The following PMEPA1 variants were observed in gnomAD, a reference collection of about 807,000 sequenced individuals.
PMEPA1 encodes protein TMEPAI.
A neutral mutation model predicts 23.0 loss-of-function variants in PMEPA1; 11 were observed. The ratio of observed to expected loss-of-function variants is 0.48; its 90% confidence interval spans 0.30 to 0.79. The LOEUF (loss-of-function observed/expected upper bound fraction) is 0.79, where lower values mean the gene tolerates loss of function less well. Among genes scored for constraint, PMEPA1 ranks in the 30% least tolerant of loss-of-function variants. The probability of loss-of-function intolerance (pLI) is 0.06; values close to 1 mark genes in which losing one functional copy is unlikely to be tolerated. For missense variants in PMEPA1, 377 were observed against 390.9 expected (o/e 0.96, Z 0.30); for synonymous variants, 204 against 166.4 (o/e 1.23, Z -1.74).
intron 1 of PMEPA1, among the ~76,000 whole-genome samples, chr20:57,661,312 C>T (rs1568965234): frequency 6.6e-6 from 1 of 152,194 alleles, no homozygotes. Flanking sequence ...GCCAGCAGAG[C>T]CCCCAGCAAT....
At chr20:57,680,500 T>C (rs962694858) in intron 1 of PMEPA1, among the ~76,000 whole-genome samples, 7 of 152,212 alleles carry the variant, frequency 4.6e-5, no homozygotes, top group Non-Finnish European at 8.8e-5. Context: ...AAAGAATTAT[T>C]GAGCCCAAAC....
Position 57,652,284 on chromosome 20 carries a change from G to C in PMEPA1, c.633C>G (p.Asn211Lys), listed in dbSNP as rs575029358. 1.2e-6 allele frequency: 2 copies of C among 1,609,702 alleles called. No individual in the cohort carries two copies. Among genetic ancestry groups the C allele is most frequent in the South Asian group, 2.2e-5 (2 of 91,072 alleles). The change falls in exon 4 of 4, where the codon AAC (asparagine) becomes AAG (lysine). Residue 211 changes from asparagine to lysine, a missense_variant. Physicochemically the swap from Asn to Lys is moderately conservative, Grantham distance 94. Around this residue, in one of 3 missense-constraint regions of PMEPA1, gnomAD observed 176 missense variants for 173.0 expected, o/e 1.02. Transcript: ENST00000341744. This position sits in a 1 kb window ranked among gnomAD's most constrained non-coding sequence, Gnocchi z 6.1. ...CGTAGCACGTGGCGCTGATGCCCGA[G>C]TTACTGCTGGGGGGGCAGGGGCCGC... Reference protein sequence around the residue: ...RLGGPCPPSSNSGISATCYGS... With the variant: ...RLGGPCPPSSKSGISATCYGS...
intron 1 of PMEPA1, among the ~76,000 whole-genome samples, chr20:57,671,029 C>G (rs7263636): frequency 2.0e-5 from 3 of 152,086 alleles, no homozygotes; most frequent in Non-Finnish European, 4.4e-5. Context: ...GGAAAGTAAA[C>G]GGTCTCTAGA....
intron 1 of PMEPA1, chr20:57,691,708 C>T (rs921145603): frequency 1.3e-5 from 2 of 152,252 alleles, no homozygotes; most frequent in African/African-American, 4.8e-5. Context: ...TCACTCTCAC[C>T]CCTCTCAGAG....
intron 1 of PMEPA1, among the ~76,000 whole-genome samples, chr20:57,706,816 T>C (rs573704147): frequency 6.6e-6 from 1 of 152,278 alleles, no homozygotes; most frequent in East Asian, 1.9e-4. Context: ...GTCAGGGATG[T>C]GAACCCCGAG....
At chr20:57,660,083 C>T (rs1010352785) in intron 1 of PMEPA1, among the ~76,000 whole-genome samples, 2 of 152,150 alleles carry the variant, frequency 1.3e-5, no homozygotes, top group Admixed American at 1.3e-4. Context: ...AGAAAGGGAG[C>T]CCTGCGCACT....
chr20:57,676,680 C>A (rs553799750), intron 1 of PMEPA1, among the ~76,000 whole-genome samples: 1 of 152,210 alleles, frequency 6.6e-6, no homozygotes, highest in African/African-American at 2.4e-5. Flanking sequence ...AGCTCTCCTG[C>A]CCTCGAGGGG....
At chr20:57,654,497 C>T (rs974520912) in intron 2 of PMEPA1, among the ~76,000 whole-genome samples, 4 of 152,072 alleles carry the variant, frequency 2.6e-5, no homozygotes, top group African/African-American at 7.2e-5. Context: ...CCGTCAGGAC[C>T]GCTCCTACCC....
chr20:57,655,579 G>A lies in PMEPA1; in HGVS notation c.265-2493C>T, dbSNP rs2071315446. Among the ~76,000 whole-genome samples, 1 of 152,210 alleles carries A rather than the reference G, an allele frequency of 6.6e-6. No individual in the cohort carries two copies. The highest frequency in any genetic ancestry group is 1.5e-5 in the Non-Finnish European group (1 of 68,038). On this transcript the variant is annotated intron_variant, in intron 2 of 3. Coordinates refer to ENST00000341744, the MANE Select transcript of PMEPA1 (RefSeq NM_020182.5). The surrounding 1 kb of genome is among the most constrained non-coding windows in gnomAD (Gnocchi z 4.2). Reference sequence around the variant, plus strand: ...GTCGGGGGAGGTGGGCCCAGCTTCAGAATTGTCTGGAACCTTCCCCAGCCT... The same window carrying A: ...GTCGGGGGAGGTGGGCCCAGCTTCAAAATTGTCTGGAACCTTCCCCAGCCT...
At chr20:57,691,229 T>C (rs1370411677) in intron 1 of PMEPA1, among the ~76,000 whole-genome samples, 1 of 152,212 alleles carries the variant, frequency 6.6e-6, no homozygotes, top group Non-Finnish European at 1.5e-5. Context: ...TGAGTAAAAT[T>C]ACCCATTAGC....
At position 57,652,161 on chromosome 20, in the gene PMEPA1, C is replaced by A. The variant is rs760638901; in HGVS notation, c.756G>T (p.Pro252=). 1 of 1,604,680 alleles carries A rather than the reference C, an allele frequency of 6.2e-7. No homozygotes were observed. Among genetic ancestry groups the A allele is most frequent in the South Asian group, 1.1e-5 (1 of 89,856 alleles). The change falls in exon 4 of 4, where the codon CCG becomes CCT. Residue 252 remains proline, a synonymous_variant. Coordinates refer to ENST00000341744, the MANE Select transcript of PMEPA1 (RefSeq NM_020182.5). The surrounding 1 kb of genome is among the most constrained non-coding windows in gnomAD (Gnocchi z 6.1). ...SSFQHQQSSG[P]PSLLEGTRLH... The stretch of plus-strand genomic sequence containing the variant: ...GCCGGGTCCCCTCCAGCAAGGAGGG[C>A]GGCCCACTGCTCTGCTGGTGCTGGA...
chr20:57,672,150 C>G (rs1220983851), intron 1 of PMEPA1, among the ~76,000 whole-genome samples: 2 of 152,266 alleles, frequency 1.3e-5, no homozygotes, highest in African/African-American at 4.8e-5. Context: ...ACAGGCATAA[C>G]ACTTCTAATT....
intron 1 of PMEPA1, among the ~76,000 whole-genome samples, chr20:57,675,358 A>T (rs2071622205): frequency 6.6e-6 from 1 of 151,990 alleles, no homozygotes; most frequent in Non-Finnish European, 1.5e-5. Flanking sequence ...CCATGCCTTC[A>T]CCTCCTCCGA....
intron 1 of PMEPA1, among the ~76,000 whole-genome samples, chr20:57,701,946 G>C (rs142020171): frequency 2.1e-3 from 325 of 152,254 alleles, no homozygotes; most frequent in Non-Finnish European, 2.9e-3. Flanking sequence ...ATGACACAAA[G>C]ATTCGATTAC....
intron 2 of PMEPA1, 91 bp downstream of exon 2, chr20:57,659,452 C>A: frequency 3.6e-6 from 5 of 1,371,518 alleles, no homozygotes; most frequent in Non-Finnish European, 5.0e-6. Flanking sequence ...CTGTTTCCTG[C>A]AAACGCTGCC....
intron 1 of PMEPA1, among the ~76,000 whole-genome samples, chr20:57,696,186 C>T (rs1280499285): frequency 6.6e-6 from 1 of 152,124 alleles, no homozygotes; most frequent in African/African-American, 2.4e-5. Flanking sequence ...GAGCAGAGGC[C>T]CCCAACCAGC....
chr20:57,687,434 T>G lies in PMEPA1; in HGVS notation c.109+22040A>C, dbSNP rs1410345570. ...GTCAGGAAAGAACCCAGGTGCTTTTTGCATGTGTGACTTCCCCTACACATA... is the reference window on the plus strand; with the variant it reads ...GTCAGGAAAGAACCCAGGTGCTTTTGGCATGTGTGACTTCCCCTACACATA... On this transcript the variant is annotated intron_variant, in intron 1 of 3. Transcript: ENST00000341744. 2.0e-5 allele frequency among the ~76,000 whole-genome samples: 3 copies of G among 152,176 alleles called. No individual in the cohort carries two copies. In the East Asian group the frequency reaches 5.8e-4, roughly 29 times the overall value.
chr20:57,699,961 A>G lies in PMEPA1; in HGVS notation c.109+9513T>C, dbSNP rs933736859. ...GTTTTACATATATCATACATAAAATACAAATGTATATTGTATATACTTGAA... is the reference window on the plus strand; with the variant it reads ...GTTTTACATATATCATACATAAAATGCAAATGTATATTGTATATACTTGAA... On this transcript the variant is annotated intron_variant, in intron 1 of 3. Coordinates refer to ENST00000341744, the MANE Select transcript of PMEPA1 (RefSeq NM_020182.5). The G allele has an allele frequency of 8.5e-5, 39 of 458,692 alleles. No homozygotes were observed. In the Admixed American group the frequency reaches 9.2e-4, roughly 11 times the overall value. The allele number at this position is 458,692 out of a possible 1,614,324, so 28.4% of individuals were successfully genotyped here.
At chr20:57,658,530 G>A (rs2071359236) in intron 2 of PMEPA1, among the ~76,000 whole-genome samples, 1 of 152,220 alleles carries the variant, frequency 6.6e-6, no homozygotes. Context: ...TCAGGTGGAT[G>A]GATGGATGGA....
Sources: allele counts gnomAD v4.1 joint callset (sites outside exome capture counted in the v4.1 genomes callset), GRCh38; gene constraint gnomAD v4.1.1; regional missense constraint gnomAD v4.1.1; non-coding constraint Gnocchi (gnomAD v3.1); transcripts MANE v1.5; gene names NCBI Gene and HGNC (gene_info 2026-07-23, HGNC 2026-07-21).